SSH2: variants seen among roughly 807,000 people sequenced by gnomAD.
SSH2 encodes the protein protein phosphatase Slingshot homolog 2.
Under a neutral mutation model 135.2 loss-of-function variants are expected in SSH2, and 37 were observed. The observed-to-expected ratio is 0.27, with a 90% confidence interval of 0.21 to 0.36. SSH2 has a LOEUF of 0.36. Among genes scored for constraint, SSH2 ranks in the 10% least tolerant of loss-of-function variants. The probability of loss-of-function intolerance (pLI) is 1.00; values close to 1 mark genes in which losing one functional copy is unlikely to be tolerated. For synonymous variants in SSH2, 628 were observed against 646.2 expected, an observed-to-expected ratio of 0.97 and a Z score of 0.43; for missense variants, 1,408 against 1,765.3, an observed-to-expected ratio of 0.80 and a Z score of 3.63.
chr17:29,866,864 G>A (rs2065862697), intron 1 of SSH2, among the ~76,000 whole-genome samples: 2 of 152,090 alleles, frequency 1.3e-5, no homozygotes, highest in East Asian at 1.9e-4. Context: ...ACAAGGTCTC[G>A]CTCTGTTGCC....
At chr17:29,834,139 A>C (rs2042904770) in intron 2 of SSH2, among the ~76,000 whole-genome samples, 1 of 151,960 alleles carries the variant, frequency 6.6e-6, no homozygotes, top group South Asian at 2.1e-4. Flanking sequence ...TTTTTTAAAT[A>C]TCAGAAACAC....
chr17:29,727,735 AAAC>A (rs1261042297), intron 3 of SSH2, among the ~76,000 whole-genome samples: 3 of 152,238 alleles, frequency 2.0e-5, no homozygotes, highest in African/African-American at 4.8e-5. Flanking sequence ...GAATGGGGAA[AAAC>A]AGAAAACCCT....
At chr17:29,929,730 G>A in intron 1 of SSH2, 1 of 601,258 alleles carries the variant, frequency 1.7e-6, no homozygotes, top group South Asian at 1.9e-5. Context: ...GAGGAGCTAG[G>A]TGCTCAGGGT....
intron 4 of SSH2, 48 bp downstream of exon 4, chr17:29,702,911 C>G: frequency 7.2e-7 from 1 of 1,385,014 alleles, no homozygotes; most frequent in Non-Finnish European, 1.0e-6. Flanking sequence ...TAGAATGTAA[C>G]AAAAGATATA....
chr17:29,901,773 TC>T (rs1180900949), intron 1 of SSH2, among the ~76,000 whole-genome samples: 1 of 150,768 alleles, frequency 6.6e-6, no homozygotes, highest in Non-Finnish European at 1.5e-5. Flanking sequence ...TCTTTCTCCC[TC>T]CCTCCCTTCC....
intron 6 of SSH2, 113 bp from the exon 7 acceptor site, chr17:29,677,854 T>C: frequency 1.2e-6 from 1 of 800,576 alleles, no homozygotes; most frequent in Non-Finnish European, 2.1e-6. Flanking sequence ...AATTCTGGCA[T>C]AAGTGTTACA....
At chr17:29,791,242 A>G (rs2042060219) in intron 3 of SSH2, among the ~76,000 whole-genome samples, 1 of 150,442 alleles carries the variant, frequency 6.6e-6, no homozygotes, top group Non-Finnish European at 1.5e-5. Flanking sequence ...GCACCACCAC[A>G]CCCGGCTAAT....
chr17:29,869,895 G>A (rs2151420124), intron 1 of SSH2, among the ~76,000 whole-genome samples: 1 of 152,174 alleles, frequency 6.6e-6, no homozygotes, highest in South Asian at 2.1e-4. Context: ...TAAATCATAG[G>A]TGTTTATGAT....
rs2035623405 is a variant in SSH2 at position 29,630,604 on chromosome 17, GGTTT to G, written c.*233_*236del. 2 of 338,416 alleles carry G rather than the reference GGTTT, an allele frequency of 5.9e-6. No homozygotes were observed. Among genetic ancestry groups the G allele is most frequent in the Admixed American group, 4.8e-5 (1 of 20,824 alleles). The allele number at this position is 338,416 out of a possible 1,614,324, so 21.0% of individuals were successfully genotyped here. A position where few individuals can be genotyped will look rare whatever the true frequency, so the allele number is the denominator to read the frequency against. The stretch of plus-strand genomic sequence containing the variant: ...TGTTCTCTGAAAATGACTTTTTTGA[GGTTT>G]GATTTTTTTAAATAAAAAATGATAA... On this transcript the variant is annotated 3_prime_UTR_variant, in exon 16 of 16. Coordinates refer to ENST00000540801, the MANE Select transcript of SSH2 (RefSeq NM_001282129.2).
At chr17:29,861,833 G>A (rs770131266) in intron 1 of SSH2, among the ~76,000 whole-genome samples, 64 of 152,278 alleles carry the variant, frequency 4.2e-4, no homozygotes, top group Non-Finnish European at 5.7e-4. Flanking sequence ...CTACAGGCAT[G>A]AGCCACTGTG....
chr17:29,753,792 GAAAA>G (rs58985020), intron 3 of SSH2, among the ~76,000 whole-genome samples: 3 of 120,114 alleles, frequency 2.5e-5, no homozygotes, highest in Non-Finnish European at 3.5e-5. Flanking sequence ...GACTCTGTCT[GAAAA>G]AAAAAAAAAA....
chr17:29,761,135 G>A lies in SSH2; in HGVS notation c.188+32759C>T, dbSNP rs1205603850. On this transcript the variant is annotated intron_variant, in intron 3 of 15. Coordinates refer to ENST00000540801, the MANE Select transcript of SSH2 (RefSeq NM_001282129.2). ...CTGAGCGTTCGCGGAGGCGGAGGGCGCGCGGCGGACTCACAGCTGGTTGAT... is the reference window on the plus strand; with the variant it reads ...CTGAGCGTTCGCGGAGGCGGAGGGCACGCGGCGGACTCACAGCTGGTTGAT... 15 of 1,288,474 alleles carry A rather than the reference G, an allele frequency of 1.2e-5. No homozygotes were observed. In the East Asian group the frequency reaches 3.9e-4, roughly 34 times the overall value. The allele number at this position is 1,288,474 out of a possible 1,614,324, so 79.8% of individuals were successfully genotyped here.
At chr17:29,732,983 C>G (rs2040248508) in intron 3 of SSH2, among the ~76,000 whole-genome samples, 1 of 152,122 alleles carries the variant, frequency 6.6e-6, no homozygotes, top group African/African-American at 2.4e-5. Flanking sequence ...CTACCCAGGT[C>G]AACAGGGTAA....
chr17:29,814,195 G>C (rs2042509060), intron 2 of SSH2, among the ~76,000 whole-genome samples: 1 of 148,474 alleles, frequency 6.7e-6, no homozygotes, highest in African/African-American at 2.5e-5. Flanking sequence ...CAGCACTTTG[G>C]GAGGCCGAGG....
chr17:29,747,035 A>C (rs1214501129), intron 3 of SSH2, among the ~76,000 whole-genome samples: 1 of 152,224 alleles, frequency 6.6e-6, no homozygotes, highest in Non-Finnish European at 1.5e-5. Context: ...GATCACGAAT[A>C]TCCATGTAAA....
intron 1 of SSH2, among the ~76,000 whole-genome samples, chr17:29,888,371 T>C (rs1003462468): frequency 6.6e-6 from 1 of 152,258 alleles, no homozygotes; most frequent in East Asian, 1.9e-4. Context: ...TATGGTTCCA[T>C]TGGATGGTTG....
chr17:29,806,286 C>T (rs1052968427), intron 2 of SSH2, among the ~76,000 whole-genome samples: 5 of 152,180 alleles, frequency 3.3e-5, no homozygotes, highest in Middle Eastern at 3.2e-3. Context: ...CCTTATTTTT[C>T]AGTTGATGAA....
chr17:29,900,182 A>C (rs1423888157), intron 1 of SSH2, among the ~76,000 whole-genome samples: 1 of 152,152 alleles, frequency 6.6e-6, no homozygotes, highest in South Asian at 2.1e-4. Flanking sequence ...AAAAACCGTC[A>C]AAGAAAACCT....
intron 14 of SSH2, chr17:29,643,200 G>A (rs2036235965): frequency 5.1e-6 from 5 of 985,308 alleles, no homozygotes; most frequent in Non-Finnish European, 6.0e-6. Flanking sequence ...GTACTTTGGT[G>A]CTGGGCGAGT....
Sources: gnomAD v4.1 joint callset for allele counts (sites outside exome capture counted in the v4.1 genomes callset) on GRCh38, gnomAD v4.1.1 for gene constraint, MANE v1.5 for transcripts, NCBI Gene and HGNC (gene_info 2026-07-23, HGNC 2026-07-21) for gene names.